The following GNAS variants were observed in gnomAD, a reference collection of about 807,000 sequenced individuals.
GNAS encodes GNAS complex locus.
A neutral mutation model predicts 54.5 loss-of-function variants in GNAS; 8 were observed. The ratio of observed to expected loss-of-function variants is 0.15; its 90% CI spans 0.09 to 0.26. The LOEUF is 0.26. GNAS is among the 10% of genes least tolerant of loss of function. The pLI, the probability that GNAS is intolerant of heterozygous loss-of-function variation, is 1.00. For missense variants in GNAS, 170 were observed against 529.8 expected, an observed-to-expected ratio of 0.32 and a Z score of 6.67; for synonymous variants, 204 against 191.4, an observed-to-expected ratio of 1.07 and a Z score of -0.54.
In GNAS at chr20:58,841,104, G is replaced by C. The variant is rs905420938; in HGVS notation, c.43+218G>C. Reference sequence around the variant, plus strand: ...GGTGGCCAAAGGCTTGTTGGACGGCGGGGCGCACGCCGTGCGTCCCGCTGG... The same window carrying C: ...GGTGGCCAAAGGCTTGTTGGACGGCCGGGCGCACGCCGTGCGTCCCGCTGG... On this transcript the variant is annotated intron_variant, in intron 1 of 12. Transcript: ENST00000306090. The surrounding 1 kb of genome is among the most constrained non-coding windows in gnomAD (Gnocchi z 5.0). Among the ~76,000 whole-genome samples the C allele has an allele frequency of 7.2e-5, 11 of 152,046 alleles. No individual in the cohort carries two copies. The highest frequency in any genetic ancestry group is 1.5e-5 in the Non-Finnish European group (1 of 68,000).
chr20:58,853,260 C>A lies in GNAS; in HGVS notation c.43+12374C>A. ...CAAACTTATTTTGAGAGGCCGCCAC[C>A]GTGTTATGGGCGTGCGCAACTGCCT... On this transcript the variant is annotated intron_variant, in intron 1 of 12. Coordinates refer to the GNAS transcript ENST00000306090. This position sits in a 1 kb window ranked among gnomAD's most constrained non-coding sequence, Gnocchi z 4.4. The A allele has an allele frequency of 2.0e-6, 3 of 1,532,496 alleles. No homozygotes were observed. Among genetic ancestry groups the A allele is most frequent in the South Asian group, 2.4e-5 (2 of 83,150 alleles). The allele number at this position is 1,532,496 out of a possible 1,614,324, so 94.9% of individuals were successfully genotyped here.
In GNAS at chr20:58,892,907, CTA is replaced by C. The variant is rs1209201936; in HGVS notation, c.139+1044_139+1045del. On this transcript the variant is annotated intron_variant, in intron 1 of 12. Coordinates refer to ENST00000371085, the MANE Select transcript of GNAS (RefSeq NM_000516.7). ...CACCACGAGCAGCGCCCCCCCAACA[CTA>C]TTTTAATAAACCATTAAAAAAAACA... Among the ~76,000 whole-genome samples, 5 of 134,806 alleles carry C rather than the reference CTA, an allele frequency of 3.7e-5. No homozygotes were observed. The East Asian group carries it at 1.2e-3, about 32-fold the overall frequency. 88.4% of individuals were successfully genotyped at this position (134,806 alleles called of 152,430 possible). A position where few individuals can be genotyped will look rare whatever the true frequency, so the allele number is the denominator to read the frequency against.
At chr20:58,861,506 T>C (rs1411451394) in intron 1 of GNAS, among the ~76,000 whole-genome samples, 1 of 152,154 alleles carries the variant, frequency 6.6e-6, no homozygotes, top group Non-Finnish European at 1.5e-5. Context: ...TGGCCTGTGG[T>C]CACCCTAAGC....
intron 1 of GNAS, among the ~76,000 whole-genome samples, chr20:58,882,091 C>G (rs555671235): frequency 4.5e-4 from 69 of 152,282 alleles, no homozygotes; most frequent in African/African-American, 1.7e-3. Context: ...TGTTTTGAGA[C>G]GGAGTCTGGG....
chr20:58,841,391 A>G lies in GNAS; in HGVS notation c.43+505A>G, dbSNP rs776332854. The G allele has an allele frequency of 1.7e-4, 170 of 1,012,414 alleles. No individual in the cohort carries two copies. The highest frequency in any genetic ancestry group is 2.0e-4 in the Non-Finnish European group (165 of 845,936). 62.7% of individuals were successfully genotyped at this position (1,012,414 alleles called of 1,614,324 possible). On this transcript the variant is annotated intron_variant, in intron 1 of 12. Coordinates refer to the GNAS transcript ENST00000306090. This position sits in a 1 kb window ranked among gnomAD's most constrained non-coding sequence, Gnocchi z 5.0. Reference sequence around the variant, plus strand: ...TTGAAATGTGCGGAAAGTAATCTGAATGGGAATGGGCGAGAACTCTAGAGA... The same window carrying G: ...TTGAAATGTGCGGAAAGTAATCTGAGTGGGAATGGGCGAGAACTCTAGAGA...
At chr20:58,871,329 A>T (rs2087431164) in intron 1 of GNAS, among the ~76,000 whole-genome samples, 1 of 152,174 alleles carries the variant, frequency 6.6e-6, no homozygotes, top group Non-Finnish European at 1.5e-5. Flanking sequence ...AAATTTAAAA[A>T]TTTGAAAGGG....
intron 1 of GNAS, among the ~76,000 whole-genome samples, chr20:58,893,843 T>G (rs1161016699): frequency 6.6e-6 from 1 of 152,254 alleles, no homozygotes; most frequent in Non-Finnish European, 1.5e-5. Context: ...TCTTAAAATT[T>G]CCAACACCTT....
rs2091389827 is a variant in GNAS at position 58,910,866 on chromosome 20, C to T, written c.*37C>T. On this transcript the variant is annotated 3_prime_UTR_variant, in exon 13 of 13. Coordinates refer to ENST00000371085, the MANE Select transcript of GNAS (RefSeq NM_000516.7). The surrounding 1 kb of genome is among the most constrained non-coding windows in gnomAD (Gnocchi z 5.8). Reference sequence around the variant, plus strand: ...CCAAATTTAATTAAAGCCTTAAGCACAATTAATTAAAAGTGAAACGTAATT... The same window carrying T: ...CCAAATTTAATTAAAGCCTTAAGCATAATTAATTAAAAGTGAAACGTAATT... The T allele has an allele frequency of 6.3e-7, 1 of 1,593,222 alleles. No homozygotes were observed. Among genetic ancestry groups the T allele is most frequent in the South Asian group, 1.1e-5 (1 of 90,658 alleles).
intron 1 of GNAS, among the ~76,000 whole-genome samples, chr20:58,871,754 GGAAAAGAAAAAAGAGAA>G (rs1419501635): frequency 1.3e-5 from 2 of 151,312 alleles, no homozygotes; most frequent in Non-Finnish European, 2.9e-5. Context: ...AGAAAAGAAA[GGAAAAGAAAAAAGAGAA>G]GAAAAGAAAA....
intron 1 of GNAS, among the ~76,000 whole-genome samples, chr20:58,861,985 G>A (rs1185054501): frequency 6.6e-6 from 1 of 152,056 alleles, no homozygotes; most frequent in Admixed American, 6.6e-5. Flanking sequence ...GATTACAGGT[G>A]TGAGCCATGG....
chr20:58,881,492 C>G (rs1399020830), intron 1 of GNAS, among the ~76,000 whole-genome samples: 1 of 152,164 alleles, frequency 6.6e-6, no homozygotes, highest in Non-Finnish European at 1.5e-5. Flanking sequence ...CCTTCCCTCT[C>G]CAGACCAGGG....
rs773554357 is a variant in GNAS at position 58,910,718 on chromosome 20, C to T, written c.1074C>T (p.Tyr358=). ...CTGCCAGTGGAGATGGGCGTCACTA[C>T]TGCTACCCTCATTTCACCTGCGCTG... ...ISTASGDGRH[Y]CYPHFTCAVD... is the part of the protein sequence containing the mutation. Residue 358 remains tyrosine, a synonymous_variant, in exon 13 of 13, where the codon TAC becomes TAT. Transcript: ENST00000371085. The surrounding 1 kb of genome is among the most constrained non-coding windows in gnomAD (Gnocchi z 5.8). The T allele has an allele frequency of 1.2e-6, 2 of 1,614,176 alleles. No homozygotes were observed. Among genetic ancestry groups the T allele is most frequent in the Non-Finnish European group, 1.7e-6 (2 of 1,179,994 alleles).
intron 1 of GNAS, among the ~76,000 whole-genome samples, chr20:58,875,953 C>T (rs549088352): frequency 2.2e-4 from 34 of 152,280 alleles, no homozygotes; most frequent in African/African-American, 7.9e-4. Context: ...AGCAAAACAA[C>T]CTTGTTGTTT....
rs1172169646 is a variant in GNAS, at chr20:58,882,154, C to T, written c.44-13458C>T. Among the ~76,000 whole-genome samples, 4 of 152,146 alleles carry T rather than the reference C, an allele frequency of 2.6e-5. No individual in the cohort carries two copies. In the South Asian group the frequency reaches 6.2e-4, roughly 24 times the overall value. ...CGCGATCTCGGCTCACTGCAAGCTC[C>T]GCCTCCCGGGTTCACGCCATTCTCC... On this transcript the variant is annotated intron_variant, in intron 1 of 12. Coordinates refer to the GNAS transcript ENST00000306090.
chr20:58,846,231 GA>G (rs2085935361), intron 1 of GNAS, among the ~76,000 whole-genome samples: 1 of 152,226 alleles, frequency 6.6e-6, no homozygotes, highest in Non-Finnish European at 1.5e-5. Context: ...AAAGTCGTTT[GA>G]AGGAATAAAG....
At chr20:58,854,829 G>A in intron 1 of GNAS, 1 of 1,593,940 alleles carries the variant, frequency 6.3e-7, no homozygotes, top group East Asian at 2.3e-5. Flanking sequence ...TGCCTCCGGG[G>A]CCAGACGCAA....
At chr20:58,858,387 A>AAAT (rs1186649753) in intron 1 of GNAS, among the ~76,000 whole-genome samples, 1 of 152,244 alleles carries the variant, frequency 6.6e-6, no homozygotes, top group African/African-American at 2.4e-5. Flanking sequence ...AGAGAGAGAG[A>AAAT]GAAAGATAGA....
chr20:58,904,288 T>C (rs1428151551), intron 5 of GNAS, among the ~76,000 whole-genome samples: 1 of 151,972 alleles, frequency 6.6e-6, no homozygotes, highest in Non-Finnish European at 1.5e-5. Flanking sequence ...CATTCTCATT[T>C]TAAACAGGTG....
intron 1 of GNAS, 119 bp downstream of exon 1, chr20:58,891,984 T>G: frequency 1.4e-6 from 1 of 725,468 alleles, no homozygotes; most frequent in Non-Finnish European, 1.7e-6. Flanking sequence ...CCCCGCCCGT[T>G]CGCGGGCTCT....
Sources: allele counts gnomAD v4.1 joint callset (sites outside exome capture counted in the v4.1 genomes callset), GRCh38; gene constraint gnomAD v4.1.1; non-coding constraint Gnocchi (gnomAD v3.1); transcripts MANE v1.5; gene names NCBI Gene and HGNC (gene_info 2026-07-23, HGNC 2026-07-21).